Variants in DNAH12 observed in about 807,000 individuals in gnomAD.
The protein encoded by DNAH12 is dynein axonemal heavy chain 12, also known as axonemal beta dynein heavy chain 12.
A neutral mutation model predicts 371.5 loss-of-function variants in DNAH12; 285 were observed. That is an observed-to-expected ratio of 0.77 (90% CI 0.70 to 0.85). The LOEUF is 0.85. DNAH12 is among the 40% of genes least tolerant of loss of function. The probability of loss-of-function intolerance (pLI) is 0.00; values close to 1 mark genes in which losing one functional copy is unlikely to be tolerated. For missense variants in DNAH12, 3,611 were observed against 3,689.4 expected (o/e 0.98, Z 0.55); for synonymous variants, 1,200 against 1,213.0 (o/e 0.99, Z 0.22).
chr3:57,447,293 T>G (rs2153371061), intron 25 of DNAH12, among the ~76,000 whole-genome samples: 1 of 152,340 alleles, frequency 6.6e-6, no homozygotes, highest in East Asian at 1.9e-4. Flanking sequence ...GTCTTTAAAG[T>G]GCTTAATGAC....
chr3:57,420,610 T>C (rs970087417), intron 36 of DNAH12, among the ~76,000 whole-genome samples: 6 of 151,536 alleles, frequency 4.0e-5, no homozygotes, highest in African/African-American at 1.5e-4. Context: ...TTTTCGATTC[T>C]TAAAGAATAT....
chr3:57,549,143 G>A (rs899840936), upstream of DNAH12, among the ~76,000 whole-genome samples: 5 of 151,980 alleles, frequency 3.3e-5, no homozygotes, highest in Non-Finnish European at 7.4e-5. Context: ...AGCTATTATG[G>A]CTGCACTTGT....
intron 70 of DNAH12, among the ~76,000 whole-genome samples, chr3:57,299,221 C>T (rs1457807239): frequency 2.0e-5 from 3 of 152,148 alleles, no homozygotes; most frequent in Non-Finnish European, 4.4e-5. Flanking sequence ...TTCCTTTATC[C>T]CAGAGTGTCA....
chr3:57,553,498 A>G, the DNAH12 span, among the ~76,000 whole-genome samples: 1 of 152,182 alleles, frequency 6.6e-6, no homozygotes, highest in Non-Finnish European at 1.5e-5. Flanking sequence ...CAGGGAGGAC[A>G]GGGCCATACT....
intron 38 of DNAH12, among the ~76,000 whole-genome samples, chr3:57,414,886 T>C (rs934549532): frequency 5.3e-5 from 8 of 152,060 alleles, no homozygotes; most frequent in African/African-American, 1.9e-4. Flanking sequence ...AATTTGGAAA[T>C]GTATGATAAA....
chr3:57,528,294 C>T (rs1391671479), intron 2 of DNAH12, among the ~76,000 whole-genome samples: 2 of 151,502 alleles, frequency 1.3e-5, no homozygotes, highest in Non-Finnish European at 2.9e-5. Flanking sequence ...TCCCAAAGTG[C>T]TGGGATTACA....
chr3:57,403,765 C>G (rs1412718398), intron 42 of DNAH12, among the ~76,000 whole-genome samples: 1 of 152,126 alleles, frequency 6.6e-6, no homozygotes, highest in Non-Finnish European at 1.5e-5. Context: ...GAAATATTAA[C>G]TGCTAATACT....
intron 29 of DNAH12, among the ~76,000 whole-genome samples, chr3:57,441,040 T>C (rs1300094520): frequency 2.6e-5 from 4 of 151,998 alleles, no homozygotes; most frequent in East Asian, 1.9e-4. Context: ...TCATGAGAAA[T>C]AGCTGATGAC....
chr3:57,424,503 C>T (rs11926789), intron 35 of DNAH12, among the ~76,000 whole-genome samples: 28,716 of 147,780 alleles, frequency 0.19, 3,077 homozygotes, highest in African/African-American at 0.26. Context: ...AGTTGCCAGG[C>T]GCGGTGGCTC....
chr3:57,362,513 T>A (rs2062958762), intron 58 of DNAH12, among the ~76,000 whole-genome samples: 1 of 152,142 alleles, frequency 6.6e-6, no homozygotes, highest in Non-Finnish European at 1.5e-5. Flanking sequence ...TTTCTCCACA[T>A]CCTCTCCAGC....
chr3:57,442,367 T>C (rs865976444), intron 29 of DNAH12, among the ~76,000 whole-genome samples: 9 of 151,546 alleles, frequency 5.9e-5, no homozygotes, highest in South Asian at 4.2e-4. Context: ...GTAAAATATA[T>C]GACAACAATA....
chr3:57,334,783 T>G lies in DNAH12; in HGVS notation c.9832A>C (p.Arg3278=), dbSNP rs2062185391. ...AAATCATCGAATTTAAACAATCACC[T>G]GAGTCCTCTGAAGGCAGGAAATTCA... is the stretch of plus-strand genomic sequence containing the variant. ...ASEFPAFRGL[R]QHFCEHIYEW... is the part of the protein sequence containing the mutation. Residue 3278 remains arginine, a splice_region_variant and synonymous_variant, in exon 61 of 74, where the codon AGG becomes CGG. Coordinates refer to ENST00000495027, the MANE Select transcript of DNAH12 (RefSeq NM_001366028.2). The G allele has an allele frequency of 1.3e-6, 2 of 1,547,616 alleles. No individual in the cohort carries two copies. Among genetic ancestry groups the G allele is most frequent in the South Asian group, 1.2e-5 (1 of 82,740 alleles).
intron 62 of DNAH12, among the ~76,000 whole-genome samples, chr3:57,325,545 G>C (rs987502024): frequency 6.6e-6 from 1 of 152,152 alleles, no homozygotes; most frequent in Non-Finnish European, 1.5e-5. Flanking sequence ...AAACAGAAAG[G>C]ACATCCACAC....
At chr3:57,490,161 T>C (rs1416986784) in intron 11 of DNAH12, among the ~76,000 whole-genome samples, 3 of 152,134 alleles carry the variant, frequency 2.0e-5, no homozygotes, top group African/African-American at 4.8e-5. Context: ...AAGGAACTTA[T>C]TGGTTTTTGT....
At position 57,351,205 on chromosome 3, in the gene DNAH12, G is replaced by A. The variant is rs1192768999; in HGVS notation, c.9674+880C>T. Among the ~76,000 whole-genome samples the A allele has an allele frequency of 2.6e-5, 4 of 152,072 alleles. No homozygotes were observed. The East Asian group carries it at 5.8e-4, about 22-fold the overall frequency. On this transcript the variant is annotated intron_variant, in intron 60 of 73. Transcript: ENST00000495027. Reference sequence around the variant, plus strand: ...AATCGCTTGAACCCGGGAGGCGGAGGTTGTGGTGAGCCAAGATCCCACAAC... The same window carrying A: ...AATCGCTTGAACCCGGGAGGCGGAGATTGTGGTGAGCCAAGATCCCACAAC...
chr3:57,407,864 C>T (rs1310224528), intron 40 of DNAH12, among the ~76,000 whole-genome samples: 1 of 151,744 alleles, frequency 6.6e-6, no homozygotes, highest in East Asian at 2.0e-4. Flanking sequence ...TCATAAGCTG[C>T]TTAAATTTCT....
At chr3:57,437,157 A>C in intron 29 of DNAH12, 97 bp from the exon 30 acceptor site, 1 of 767,060 alleles carries the variant, frequency 1.3e-6, no homozygotes, top group Non-Finnish European at 2.1e-6. Context: ...GTTAAAAAAA[A>C]ACTATCATCA....
At chr3:57,377,985 A>AAG (rs1491265824) in intron 52 of DNAH12, among the ~76,000 whole-genome samples, 16 of 152,132 alleles carry the variant, frequency 1.1e-4, no homozygotes, top group South Asian at 2.1e-4. Context: ...AAGGAGGGAC[A>AAG]AGAGAGAGAG....
At chr3:57,423,398 GAATA>G (rs1228255653) in intron 35 of DNAH12, among the ~76,000 whole-genome samples, 1 of 152,114 alleles carries the variant, frequency 6.6e-6, no homozygotes, top group African/African-American at 2.4e-5. Flanking sequence ...GGAGAAAAAG[GAATA>G]AATAAATTAT....
Sources: gnomAD v4.1 joint callset for allele counts (sites outside exome capture counted in the v4.1 genomes callset) on GRCh38, gnomAD v4.1.1 for gene constraint, MANE v1.5 for transcripts, NCBI Gene and HGNC (gene_info 2026-07-23, HGNC 2026-07-21) for gene names.